ALPK2: variants seen among roughly 807,000 people sequenced by gnomAD.
ALPK2 encodes alpha-protein kinase 2.
ALPK2 carries 127 observed loss-of-function variants against 163.1 expected under a neutral mutation model. The ratio of observed to expected loss-of-function variants is 0.78; its 90% CI spans 0.67 to 0.90. The LOEUF is 0.90. ALPK2 is among the 40% of genes least tolerant of loss of function. The probability of loss-of-function intolerance (pLI) is 0.00; values close to 1 mark genes in which losing one functional copy is unlikely to be tolerated. For missense variants in ALPK2, 2,360 were observed against 2,589.6 expected, an observed-to-expected ratio of 0.91 and a Z score of 1.92; for synonymous variants, 953 against 959.1, an observed-to-expected ratio of 0.99 and a Z score of 0.12.
intron 4 of ALPK2, among the ~76,000 whole-genome samples, chr18:58,572,286 A>G (rs2051889896): frequency 6.6e-6 from 1 of 152,206 alleles, no homozygotes; most frequent in South Asian, 2.1e-4. Context: ...GGGCCCTCAT[A>G]CATTGCTGAT....
chr18:58,578,953 G>C lies in ALPK2; in HGVS notation c.1823C>G (p.Ala608Gly). ...TTGAAGGGTTTTTGCTTCTTGCTCT[G>C]CCTGGGTTGAAATAGCACATTCTCT... ...DARECAISTQ[A>G]EQEAKTLQTS... Residue 608 changes from alanine to glycine, a missense_variant, in exon 4 of 13, where the codon GCA becomes GGA. By Grantham distance (60) the Ala-to-Gly change is moderately conservative. Coordinates refer to ENST00000361673, the MANE Select transcript of ALPK2 (RefSeq NM_052947.4). The C allele has an allele frequency of 1.9e-6, 3 of 1,614,190 alleles. No homozygotes were observed. Among genetic ancestry groups the C allele is most frequent in the Non-Finnish European group, 2.5e-6 (3 of 1,180,036 alleles).
intron 4 of ALPK2, among the ~76,000 whole-genome samples, chr18:58,574,817 A>G (rs997489950): frequency 9.9e-5 from 15 of 152,236 alleles, no homozygotes; most frequent in Admixed American, 2.6e-4. Flanking sequence ...AGCACGTCCT[A>G]TTAGCAGAGA....
rs372259071 is a variant in ALPK2 at position 58,579,229 on chromosome 18, G to A, written c.1547C>T (p.Ala516Val). ...SGMSQCWETA[A>V]DKRVGGKDLW... ...GTCCTTTCCCCCCACTCTCTTGTCAGCTGCCGTCTCCCAACACTGGCTCAT... is the reference window on the plus strand; with the variant it reads ...GTCCTTTCCCCCCACTCTCTTGTCAACTGCCGTCTCCCAACACTGGCTCAT... Residue 516 changes from alanine (A) to valine (V), a missense_variant, in exon 4 of 13, where the codon GCT becomes GTT. Coordinates refer to ENST00000361673, the MANE Select transcript of ALPK2 (RefSeq NM_052947.4). 7.4e-5 allele frequency: 120 copies of A among 1,614,020 alleles called. 3 individuals carry two copies. The highest frequency in any genetic ancestry group is 6.9e-4 in the East Asian group (31 of 44,884).
At chr18:58,593,158 C>T (rs991551696) in intron 3 of ALPK2, among the ~76,000 whole-genome samples, 12 of 152,134 alleles carry the variant, frequency 7.9e-5, no homozygotes, top group African/African-American at 2.9e-4. Flanking sequence ...AGTGTGGATT[C>T]ATGGATTGTA....
chr18:58,573,314 G>GCA (rs1425335843), intron 4 of ALPK2, among the ~76,000 whole-genome samples: 7 of 122,964 alleles, frequency 5.7e-5, no homozygotes, highest in Non-Finnish European at 1.2e-4. Flanking sequence ...GTATATATAT[G>GCA]TGTGTATATA....
At chr18:58,552,118 C>CA (rs2051763234) in intron 4 of ALPK2, among the ~76,000 whole-genome samples, 1 of 152,142 alleles carries the variant, frequency 6.6e-6, no homozygotes, top group Admixed American at 6.5e-5. Flanking sequence ...AATCGCAAGG[C>CA]AGTATCAAAA....
rs754653638 is a variant in ALPK2, at chr18:58,517,105, G to A, written c.5743C>T (p.Arg1915Cys). 1.1e-5 allele frequency: 17 copies of A among 1,614,230 alleles called. No homozygotes were observed. Among genetic ancestry groups the A allele is most frequent in the South Asian group, 2.2e-5 (2 of 91,088 alleles). The change falls in exon 9 of 13, where the codon CGT (arginine) becomes TGT (cysteine). Residue 1915 changes from arginine to cysteine, a missense_variant. Transcript: ENST00000361673. ...AGCTCCTCCGTGGCGATCTGACCAC[G>A]CAGGCGGCCCCCAAAGTAGCTGTCA... is the stretch of plus-strand genomic sequence containing the variant. ...LHDSYFGGRL[R>C]GQIATEELHF...
intron 8 of ALPK2, among the ~76,000 whole-genome samples, chr18:58,518,786 A>G (rs1052029733): frequency 6.6e-6 from 1 of 152,210 alleles, no homozygotes; most frequent in Admixed American, 6.5e-5. Flanking sequence ...GCCTTTCCAC[A>G]AGCTACTGCC....
In ALPK2 at chr18:58,578,959, G is replaced by A. The variant is rs777477577; in HGVS notation, c.1817C>T (p.Thr606Ile). The change falls in exon 4 of 13, where the codon ACC (threonine) becomes ATC (isoleucine). Residue 606 changes from threonine (T) to isoleucine (I), a missense_variant. Coordinates refer to ENST00000361673, the MANE Select transcript of ALPK2 (RefSeq NM_052947.4). Reference sequence around the variant, plus strand: ...GGTTTTTGCTTCTTGCTCTGCCTGGGTTGAAATAGCACATTCTCTTGCATC... The same window carrying A: ...GGTTTTTGCTTCTTGCTCTGCCTGGATTGAAATAGCACATTCTCTTGCATC... ...HADARECAIS[T>I]QAEQEAKTLQ... 6.6e-5 allele frequency: 107 copies of A among 1,614,084 alleles called. 2 individuals are homozygous for A. The South Asian group carries it at 1.2e-3, about 18-fold the overall frequency.
Position 58,504,003 on chromosome 18 carries a change from G to A in ALPK2, c.6175C>T (p.Gln2059Ter). ...CAGTGCTGGAAGGTGCAACATTTCT[G>A]ACCAGCTTCTGATTCTCTTCTCAAG... Reference protein sequence around the residue: ...NFLRRESEAGQKCCTFQHWVY... With the variant: ...NFLRRESEAG The change falls in exon 11 of 13, where the codon CAG (glutamine) becomes TAG (stop). Residue 2059 changes from glutamine (Q) to a stop codon, truncating the protein, a stop_gained. Coordinates refer to ENST00000361673, the MANE Select transcript of ALPK2 (RefSeq NM_052947.4). LOFTEE classifies it high-confidence loss of function. The A allele has an allele frequency of 6.2e-7, 1 of 1,614,170 alleles. No homozygotes were observed. The highest frequency in any genetic ancestry group is 8.5e-7 in the Non-Finnish European group (1 of 1,180,032).
At chr18:58,581,061 T>A (rs1045781107) in intron 3 of ALPK2, 19 of 146,476 alleles carry the variant, frequency 1.3e-4, no homozygotes, top group Non-Finnish European at 2.3e-4. Flanking sequence ...GTTTTCACTT[T>A]AAAAAAAAAA....
chr18:58,553,499 T>C (rs1014523691), intron 4 of ALPK2, among the ~76,000 whole-genome samples: 5 of 152,188 alleles, frequency 3.3e-5, no homozygotes, highest in Non-Finnish European at 7.3e-5. Context: ...TTGATATGTT[T>C]AGGCTTTGTG....
At chr18:58,544,731 T>C (rs2051708729) in intron 4 of ALPK2, 1 of 152,240 alleles carries the variant, frequency 6.6e-6, no homozygotes, top group African/African-American at 2.4e-5. Flanking sequence ...AATTCTAAGA[T>C]ACTTCTTGAA....
intron 3 of ALPK2, among the ~76,000 whole-genome samples, chr18:58,606,035 A>G (rs182220420): frequency 1.8e-3 from 276 of 152,378 alleles, no homozygotes; most frequent in African/African-American, 5.6e-3. Context: ...TCAGATAAGC[A>G]TTTCAACCTT....
At chr18:58,525,412 C>G (rs1261052270) in intron 6 of ALPK2, among the ~76,000 whole-genome samples, 2 of 152,092 alleles carry the variant, frequency 1.3e-5, no homozygotes, top group African/African-American at 4.8e-5. Context: ...CTCCAAGGCT[C>G]TAGGATTGGC....
At chr18:58,512,087 G>A (rs1420873721) in intron 10 of ALPK2, 1 of 152,244 alleles carries the variant, frequency 6.6e-6, no homozygotes, top group African/African-American at 2.4e-5. Context: ...CAGCCGCCAA[G>A]CCACCCTCTG....
At chr18:58,601,444 T>C (rs1385983514) in intron 3 of ALPK2, among the ~76,000 whole-genome samples, 11 of 152,192 alleles carry the variant, frequency 7.2e-5, no homozygotes, top group Admixed American at 7.2e-4. Flanking sequence ...CAATGTGACT[T>C]TGCCACTCTT....
intron 4 of ALPK2, among the ~76,000 whole-genome samples, chr18:58,553,577 G>A (rs1156778317): frequency 6.6e-6 from 1 of 152,164 alleles, no homozygotes; most frequent in African/African-American, 2.4e-5. Flanking sequence ...GAGACCAGGT[G>A]GAGGTAATTG....
Position 58,533,140 on chromosome 18 carries a change from C to G in ALPK2, c.5353+1694G>C, listed in dbSNP as rs2144142630. On this transcript the variant is annotated intron_variant, in intron 5 of 12. Coordinates refer to ENST00000361673, the MANE Select transcript of ALPK2 (RefSeq NM_052947.4). Reference sequence around the variant, plus strand: ...ACCTGCTTTGCTCAGACCAGTGGCTCCCAGAAGGCGGCATGCTCGGTCTTT... The same window carrying G: ...ACCTGCTTTGCTCAGACCAGTGGCTGCCAGAAGGCGGCATGCTCGGTCTTT... Among the ~76,000 whole-genome samples the G allele has an allele frequency of 1.3e-5, 2 of 152,308 alleles. 1 individual carries two copies. The highest frequency in any genetic ancestry group is 4.1e-4 in the South Asian group (2 of 4,832).
Sources: allele counts gnomAD v4.1 joint callset (sites outside exome capture counted in the v4.1 genomes callset), GRCh38; gene constraint gnomAD v4.1.1; transcripts MANE v1.5; gene names NCBI Gene and HGNC (gene_info 2026-07-23, HGNC 2026-07-21).